Variants in GAK observed in about 807,000 individuals in gnomAD.
The protein encoded by GAK is cyclin-G-associated kinase.
A neutral mutation model predicts 143.9 loss-of-function variants in GAK; 79 were observed. The observed-to-expected ratio is 0.55, with a 90% confidence interval of 0.46 to 0.66. The LOEUF (loss-of-function observed/expected upper bound fraction) is 0.66. Among genes scored for constraint, GAK ranks in the 30% least tolerant of loss-of-function variants. GAK has a pLI of 0.00. For missense variants in GAK, 1,693 were observed against 1,779.7 expected (o/e 0.95, Z 0.88); for synonymous variants, 881 against 765.5 (o/e 1.15, Z -2.49).
At chr4:897,896 C>A in intron 6 of GAK, 137 bp downstream of exon 6, 3 of 970,002 alleles carry the variant, frequency 3.1e-6, no homozygotes, top group Non-Finnish European at 4.3e-6. Context: ...TTGCAGTGAG[C>A]CGGGATTGCA....
At chr4:849,842 C>CT (rs750496071) in intron 27 of GAK, 50 bp downstream of exon 27, 6 of 1,205,168 alleles carry the variant, frequency 5.0e-6, no homozygotes, top group East Asian at 2.5e-5. Context: ...GGACCCCCCC[C>CT]CCGCCCCGCC....
chr4:870,843 C>T lies in GAK; in HGVS notation c.2116G>A (p.Glu706Lys), dbSNP rs1356776772. 6.2e-7 allele frequency: 1 copy of T among 1,614,098 alleles called. No individual in the cohort carries two copies. ...CTGTCCCTGGGCTCCACCTCCACTT[C>T]CAGGTTCACTTGAAATAAATCCGGG... ...KYPDLFQVNL[E>K]VEVEPRDRPS... Residue 706 changes from glutamate (E) to lysine (K), a missense_variant, in exon 19 of 28, where the codon GAA (glutamate) becomes AAA (lysine). This residue lies in a region of GAK where 871 missense variants were observed against 991.0 expected (regional missense o/e 0.88). Coordinates refer to ENST00000314167, the MANE Select transcript of GAK (RefSeq NM_005255.4).
At chr4:868,330 C>T (rs1311424552) in intron 20 of GAK, among the ~76,000 whole-genome samples, 2 of 151,662 alleles carry the variant, frequency 1.3e-5, no homozygotes, top group East Asian at 1.9e-4. Context: ...TGGGCATGTT[C>T]TTTTTTTTTC....
intron 5 of GAK, among the ~76,000 whole-genome samples, chr4:900,046 C>G (rs1194856538): frequency 6.6e-6 from 1 of 152,270 alleles, no homozygotes; most frequent in Non-Finnish European, 1.5e-5. Context: ...GATCAGCGAC[C>G]CTGGCTCGGA....
At chr4:858,027 T>C (rs1749598725) in intron 24 of GAK, among the ~76,000 whole-genome samples, 1 of 152,196 alleles carries the variant, frequency 6.6e-6, no homozygotes, top group Non-Finnish European at 1.5e-5. Context: ...TGCTGTTTTG[T>C]TCCCAAGTGT....
In GAK at chr4:851,756, T is replaced by C; in HGVS notation, c.3502A>G (p.Ser1168Gly). 1 of 1,613,306 alleles carries C rather than the reference T, an allele frequency of 6.2e-7. No homozygotes were observed. Among genetic ancestry groups the C allele is most frequent in the Non-Finnish European group, 8.5e-7 (1 of 1,179,862 alleles). Residue 1168 changes from serine (S) to glycine (G), a missense_variant, in exon 25 of 28, where the codon AGC (serine) becomes GGC (glycine). This residue lies in a region of GAK where 822 missense variants were observed against 788.7 expected (regional missense o/e 1.04). Coordinates refer to ENST00000314167, the MANE Select transcript of GAK (RefSeq NM_005255.4). ...AREERGVRAPSFAQKPKVSEN... is the reference protein window; with the variant it reads ...AREERGVRAPGFAQKPKVSEN... ...CAGAGAGTGGGGGACTCACCAAAGC[T>C]GGGTGCGCGGACCCCCCGCTCCTCC...
At chr4:850,602 T>C in intron 26 of GAK, 1 of 215,466 alleles carries the variant, frequency 4.6e-6, no homozygotes, top group Non-Finnish European at 9.4e-6. Context: ...CCCTCAACAG[T>C]CTCTGCAAAC....
intron 1 of GAK, among the ~76,000 whole-genome samples, chr4:919,659 C>T (rs1723616875): frequency 6.6e-6 from 1 of 152,244 alleles, no homozygotes; most frequent in African/African-American, 2.4e-5. Context: ...CGATGCCTTC[C>T]CTAATGCACC....
chr4:867,221 A>AGCC lies in GAK; in HGVS notation c.2604_2606dup (p.Ala869dup). 1 of 1,612,750 alleles carries AGCC rather than the reference A, an allele frequency of 6.2e-7. No individual in the cohort carries two copies. The highest frequency in any genetic ancestry group is 8.5e-7 in the Non-Finnish European group (1 of 1,179,560). ...CCTGTGGCACAGGCTCTGGCAGCAC[A>AGCC]GCCGGTGTCTCCACCTCAAAAACCA... On this transcript the variant is annotated inframe_insertion, in exon 21 of 28. Coordinates refer to ENST00000314167, the MANE Select transcript of GAK (RefSeq NM_005255.4).
intron 24 of GAK, among the ~76,000 whole-genome samples, chr4:854,088 A>G (rs1748698346): frequency 6.7e-6 from 1 of 148,914 alleles, no homozygotes; most frequent in Non-Finnish European, 1.5e-5. Flanking sequence ...ATGAGCCACC[A>G]TGCCCGGCCG....
At chr4:882,161 G>C in intron 14 of GAK, 121 bp from the exon 15 acceptor site, 1 of 1,110,698 alleles carries the variant, frequency 9.0e-7, no homozygotes, top group Non-Finnish European at 1.3e-6. Context: ...CCTCTCTGAA[G>C]CTGGGATATG....
Position 888,943 on chromosome 4 carries a change from G to A in GAK, c.1109C>T (p.Pro370Leu), listed in dbSNP as rs138522060. 1,299 of 1,611,944 alleles carry A rather than the reference G, an allele frequency of 8.1e-4. No individual in the cohort carries two copies. The highest frequency in any genetic ancestry group is 9.8e-4 in the Non-Finnish European group (1,159 of 1,179,686). Residue 370 changes from proline (P) to leucine (L), a missense_variant, in exon 11 of 28, where the codon CCG becomes CTG. This residue lies in a region of GAK where 871 missense variants were observed against 991.0 expected (regional missense o/e 0.88). Transcript: ENST00000314167. ...CAGAATGTCCAGGAAGCCGCCATAC[G>A]GCTGGTCGTACTCCGCCAGCGCCAG... is the stretch of plus-strand genomic sequence containing the variant. Reference protein sequence around the residue: ...GGLALAEYDQPYGGFLDILRG... With the variant: ...GGLALAEYDQLYGGFLDILRG...
chr4:889,278 G>A (rs1460359167), intron 10 of GAK, among the ~76,000 whole-genome samples: 2 of 152,338 alleles, frequency 1.3e-5, no homozygotes, highest in East Asian at 1.9e-4. Context: ...CTATGTGGCC[G>A]CCTCAGCACA....
chr4:931,453 T>G (rs1725768489), intron 1 of GAK, among the ~76,000 whole-genome samples: 1 of 96,734 alleles, frequency 1.0e-5, no homozygotes, highest in African/African-American at 4.1e-5. Context: ...CGCAACTACC[T>G]GCAACACGTG....
chr4:849,833 G>GGGGCC, intron 27 of GAK, 59 bp from the exon 28 acceptor site: 3 of 1,190,124 alleles, frequency 2.5e-6, no homozygotes, highest in Non-Finnish European at 3.5e-6. Flanking sequence ...GGCGGGGCAG[G>GGGGCC]ACCCCCCCCC....
At chr4:905,598 C>T (rs572895363) in intron 4 of GAK, among the ~76,000 whole-genome samples, 6 of 150,932 alleles carry the variant, frequency 4.0e-5, no homozygotes, top group Non-Finnish European at 5.9e-5. Flanking sequence ...GGCCACGTTA[C>T]GGACTCCGCC....
chr4:857,751 T>C (rs1321883848), intron 24 of GAK, among the ~76,000 whole-genome samples: 1 of 152,208 alleles, frequency 6.6e-6, no homozygotes, highest in Non-Finnish European at 1.5e-5. Flanking sequence ...TCCACTGCAC[T>C]GCCCGTGGCT....
chr4:880,322 G>A (rs1714835691), intron 15 of GAK, among the ~76,000 whole-genome samples: 1 of 152,240 alleles, frequency 6.6e-6, no homozygotes, highest in Non-Finnish European at 1.5e-5. Flanking sequence ...TCTGACGAAT[G>A]CCCCACTGGA....
chr4:856,343 ACCT>A (rs1177248961), intron 24 of GAK, among the ~76,000 whole-genome samples: 25 of 115,504 alleles, frequency 2.2e-4, no homozygotes, highest in African/African-American at 7.0e-4. Flanking sequence ...AGCTGCTCAC[ACCT>A]GCTCACACCT....
Sources: gnomAD v4.1 joint callset for allele counts (sites outside exome capture counted in the v4.1 genomes callset) on GRCh38, gnomAD v4.1.1 for gene constraint, gnomAD v4.1.1 regional missense constraint, MANE v1.5 for transcripts, NCBI Gene and HGNC (gene_info 2026-07-23, HGNC 2026-07-21) for gene names.